The following ADAMTS7 variants were observed in gnomAD, a reference collection of about 807,000 sequenced individuals.
The protein encoded by ADAMTS7 is ADAM metallopeptidase with thrombospondin type 1 motif 7.
A neutral mutation model predicts 172.6 loss-of-function variants in ADAMTS7; 89 were observed. That is an observed-to-expected ratio of 0.52 (90% CI 0.43 to 0.61). The LOEUF (loss-of-function observed/expected upper bound fraction) is 0.61, where lower values mean the gene tolerates loss of function less well. Among genes scored for constraint, ADAMTS7 ranks in the 20% least tolerant of loss-of-function variants. The pLI is 0.00. For synonymous variants in ADAMTS7, 885 were observed against 978.4 expected, an observed-to-expected ratio of 0.90 and a Z score of 1.78; for missense variants, 1,973 against 2,355.6, an observed-to-expected ratio of 0.84 and a Z score of 3.36.
intron 5 of ADAMTS7, 130 bp downstream of exon 5, chr15:78,791,010 C>G: frequency 7.9e-7 from 1 of 1,258,912 alleles, no homozygotes; most frequent in South Asian, 1.4e-5. Flanking sequence ...CAGGGGGTGG[C>G]AGGGGACACG....
At chr15:78,768,301 C>T (rs2055193968) in intron 16 of ADAMTS7, 42 bp from the exon 17 acceptor site, 1 of 1,608,280 alleles carries the variant, frequency 6.2e-7, no homozygotes, top group Non-Finnish European at 8.5e-7. Context: ...CACCCAGGTG[C>T]CCACCACCCA....
At chr15:78,791,034 C>T (rs2277546) in intron 5 of ADAMTS7, 106 bp downstream of exon 5, 39 of 1,357,588 alleles carry the variant, frequency 2.9e-5, no homozygotes, top group Middle Eastern at 2.6e-4. Flanking sequence ...CAGGCCAAGG[C>T]GGCCTTCACT....
Position 78,788,344 on chromosome 15 carries a change from A to AT in ADAMTS7, c.1208dup (p.Asn403LysfsTer2). 6.2e-7 allele frequency: 1 copy of AT among 1,613,270 alleles called. No homozygotes were observed. Among genetic ancestry groups the AT allele is most frequent in the Non-Finnish European group, 8.5e-7 (1 of 1,180,004 alleles). On this transcript the variant is annotated frameshift_variant, in exon 8 of 24. Transcript: ENST00000388820. LOFTEE classifies it high-confidence loss of function. ...GTCGTTTCCCAACGGGCTCACAGTC[A>AT]TTGCCGCTTCCGTCATGCTGAATGC...
In ADAMTS7 at chr15:78,763,968, C is replaced by A. The variant is rs1467044025; in HGVS notation, c.4551G>T (p.Gly1517=). ...PAKPPAHRPC[G]AQPCLSWYTS... is the part of the protein sequence containing the mutation. ...TGTACCAGCTGAGGCAGGGCTGGGCCCCGCAGGGCCGGTGCGCAGGCGGCT... is the reference window on the plus strand; with the variant it reads ...TGTACCAGCTGAGGCAGGGCTGGGCACCGCAGGGCCGGTGCGCAGGCGGCT... Residue 1517 remains glycine, a synonymous_variant, in exon 21 of 24, where the codon GGG becomes GGT. Transcript: ENST00000388820. 2 of 1,545,686 alleles carry A rather than the reference C, an allele frequency of 1.3e-6. No individual in the cohort carries two copies. Among genetic ancestry groups the A allele is most frequent in the Middle Eastern group, 2.3e-4 (1 of 4,270 alleles).
chr15:78,763,105 A>C (rs925504314), intron 22 of ADAMTS7, among the ~76,000 whole-genome samples: 1 of 152,170 alleles, frequency 6.6e-6, no homozygotes, highest in African/African-American at 2.4e-5. Context: ...TCCTTCATTT[A>C]ATCCTCCTGA....
rs1440076313 is a variant in ADAMTS7 at position 78,759,585 on chromosome 15, T to A, written c.4904-7A>T. 2 of 1,573,006 alleles carry A rather than the reference T, an allele frequency of 1.3e-6. No individual in the cohort carries two copies. Among genetic ancestry groups the A allele is most frequent in the Non-Finnish European group, 1.7e-6 (2 of 1,165,242 alleles). ...AGGCGGTCCCGCTCACAGCCTGGAG[T>A]GGGGGGGCAGAGAGGCATCAGAACC... On this transcript the variant is annotated splice_polypyrimidine_tract_variant and splice_region_variant and intron_variant, in intron 23 of 23. Coordinates refer to ENST00000388820, the MANE Select transcript of ADAMTS7 (RefSeq NM_014272.5).
chr15:78,770,985 C>T (rs1280148385), intron 16 of ADAMTS7, 177 bp downstream of exon 16: 1 of 867,366 alleles, frequency 1.2e-6, no homozygotes, highest in African/African-American at 1.8e-5. Flanking sequence ...TGTACCCTCC[C>T]AGCGGGCCTG....
Position 78,777,542 on chromosome 15 carries a change from T to C in ADAMTS7, c.1369A>G (p.Ile457Val), listed in dbSNP as rs1355557853. ...CLDDPPAKDI[I>V]DFPSVPPGVL... The stretch of plus-strand genomic sequence containing the variant: ...CCAGGTGGCACCGAGGGGAAGTCGA[T>C]AATGTCCTTGGCAGGAGGGTCGTCC... The change falls in exon 9 of 24, where the codon ATC becomes GTC. Residue 457 changes from isoleucine (I) to valine (V), a missense_variant. By Grantham distance (29) the Ile-to-Val change is conservative. This residue lies in a region of ADAMTS7 where 526 missense variants were observed against 662.9 expected (regional missense o/e 0.79). Transcript: ENST00000388820. 2 of 1,609,386 alleles carry C rather than the reference T, an allele frequency of 1.2e-6. No individual in the cohort carries two copies. Among genetic ancestry groups the C allele is most frequent in the Non-Finnish European group, 1.7e-6 (2 of 1,178,100 alleles).
In ADAMTS7 at chr15:78,766,948, G is replaced by A. The variant is rs1379383456; in HGVS notation, c.2963C>T (p.Thr988Ile). 8 of 1,610,910 alleles carry A rather than the reference G, an allele frequency of 5.0e-6. No individual in the cohort carries two copies. Among genetic ancestry groups the A allele is most frequent in the Non-Finnish European group, 5.9e-6 (7 of 1,179,558 alleles). Reference sequence around the variant, plus strand: ...CCACCGACAGAGTGGCAGAGAGCAGGTGACTTCGCTGGCTGGCTGCTGGGC... The same window carrying A: ...CCACCGACAGAGTGGCAGAGAGCAGATGACTTCGCTGGCTGGCTGCTGGGC... ...DEAQQPASEV[T>I]CSLPLCRWPL... The change falls in exon 19 of 24, where the codon ACC (threonine) becomes ATC (isoleucine). Residue 988 changes from threonine (T) to isoleucine (I), a missense_variant. By Grantham distance (89) the Thr-to-Ile change is moderately conservative (BLOSUM62 -1). Coordinates refer to ENST00000388820, the MANE Select transcript of ADAMTS7 (RefSeq NM_014272.5).
rs1441136317 is a variant in ADAMTS7, at chr15:78,765,936, C to T, written c.3975G>A (p.Trp1325Ter). Residue 1325 changes from tryptophan (W) to a stop codon, truncating the protein, a stop_gained, in exon 19 of 24, where the codon TGG (tryptophan) becomes TGA (stop). Transcript: ENST00000388820. LOFTEE classifies it high-confidence loss of function. ...CCCACACTGCCACAGTCTGCAGGTCCCATGAGCCTGGTCCTGGGGTTGGGA... is the reference window on the plus strand; with the variant it reads ...CCCACACTGCCACAGTCTGCAGGTCTCATGAGCCTGGTCCTGGGGTTGGGA... ...PSFPTPGPGS[W>*]DLQTVAVWGT... 3.1e-6 allele frequency: 5 copies of T among 1,588,138 alleles called. No individual in the cohort carries two copies.
chr15:78,786,597 C>T lies in ADAMTS7; in HGVS notation c.1322+1634G>A, dbSNP rs115911818. On this transcript the variant is annotated intron_variant, in intron 8 of 23. Transcript: ENST00000388820. ...AATCGCTATGCAGAAAATGAAGACA[C>T]GGGAGGAAAGAGAACCCCACAGTTC... Among the ~76,000 whole-genome samples, 1,343 of 152,256 alleles carry T rather than the reference C, an allele frequency of 8.8e-3. 22 individuals carry two copies. Among genetic ancestry groups the T allele is most frequent in the African/African-American group, 0.03 (1,229 of 41,548 alleles).
At chr15:78,763,209 G>A (rs1457624932) in intron 22 of ADAMTS7, among the ~76,000 whole-genome samples, 1 of 152,192 alleles carries the variant, frequency 6.6e-6, no homozygotes, top group South Asian at 2.1e-4. Context: ...GCAGCCAGTC[G>A]GACAAAGACG....
At chr15:78,785,261 G>T (rs540106407) in intron 8 of ADAMTS7, among the ~76,000 whole-genome samples, 3 of 152,294 alleles carry the variant, frequency 2.0e-5, no homozygotes, top group Non-Finnish European at 4.4e-5. Flanking sequence ...AAAAAGAAAT[G>T]CCATCTAGAT....
chr15:78,790,084 C>G (rs2055558327), intron 6 of ADAMTS7, among the ~76,000 whole-genome samples: 1 of 152,248 alleles, frequency 6.6e-6, no homozygotes, highest in Non-Finnish European at 1.5e-5. Context: ...TGGTTACTAT[C>G]CAGCAGGGGT....
At chr15:78,768,801 G>C (rs575116754) in intron 16 of ADAMTS7, among the ~76,000 whole-genome samples, 1 of 152,186 alleles carries the variant, frequency 6.6e-6, no homozygotes, top group Admixed American at 6.5e-5. Context: ...CACATCCAGG[G>C]ACCCAAAGAG....
chr15:78,800,398 G>C lies in ADAMTS7; in HGVS notation c.250C>G (p.Leu84Val), dbSNP rs766193610. 18 of 1,608,688 alleles carry C rather than the reference G, an allele frequency of 1.1e-5. No individual in the cohort carries two copies. The highest frequency in any genetic ancestry group is 1.5e-5 in the Non-Finnish European group (18 of 1,177,962). Reference protein sequence around the residue: ...VRRDAPAFYELQYRGRELRFN... With the variant: ...VRRDAPAFYEVQYRGRELRFN... ...CGCAGCTCGCGCCCGCGGTATTGTAGCTCGTAGAAGGCGGGCGCGTCTCGG... is the reference window on the plus strand; with the variant it reads ...CGCAGCTCGCGCCCGCGGTATTGTACCTCGTAGAAGGCGGGCGCGTCTCGG... The change falls in exon 2 of 24, where the codon CTA becomes GTA. Residue 84 changes from leucine (L) to valine (V), a missense_variant. Coordinates refer to ENST00000388820, the MANE Select transcript of ADAMTS7 (RefSeq NM_014272.5).
At chr15:78,790,945 C>T in intron 5 of ADAMTS7, 151 bp from the exon 6 acceptor site, 3 of 1,319,822 alleles carry the variant, frequency 2.3e-6, no homozygotes, top group South Asian at 1.4e-5. Context: ...GACCATCCCT[C>T]CTGTAGGAAC....
At chr15:78,767,663 G>A (rs889034924) in intron 17 of ADAMTS7, 71 bp from the exon 18 acceptor site, 10 of 1,397,314 alleles carry the variant, frequency 7.2e-6, no homozygotes, top group East Asian at 5.0e-5. Context: ...AGCAGGGGGG[G>A]CCAGGCTGGG....
chr15:78,766,258 A>T lies in ADAMTS7; in HGVS notation c.3653T>A (p.Phe1218Tyr). The change falls in exon 19 of 24, where the codon TTC becomes TAC. Residue 1218 changes from phenylalanine to tyrosine, a missense_variant. By Grantham distance (22) the Phe-to-Tyr change is conservative (BLOSUM62 3). Coordinates refer to ENST00000388820, the MANE Select transcript of ADAMTS7 (RefSeq NM_014272.5). The part of the protein sequence containing the change: ...PPWRDRTNEV[F>Y]KDDEEPKGRG... ...GCCCTTGGGTTCCTCATCATCCTTG[A>T]AAACCTCATTGGTCCTGTCCCGCCA... 6.2e-7 allele frequency: 1 copy of T among 1,611,672 alleles called. No homozygotes were observed. Among genetic ancestry groups the T allele is most frequent in the Non-Finnish European group, 8.5e-7 (1 of 1,179,762 alleles).
Sources: gnomAD v4.1 joint callset for allele counts (sites outside exome capture counted in the v4.1 genomes callset) on GRCh38, gnomAD v4.1.1 for gene constraint, gnomAD v4.1.1 regional missense constraint, MANE v1.5 for transcripts, NCBI Gene and HGNC (gene_info 2026-07-23, HGNC 2026-07-21) for gene names.